The following LIN7A variants were observed in gnomAD, a reference collection of about 807,000 sequenced individuals.
The protein encoded by LIN7A is protein lin-7 homolog A.
Under a neutral mutation model 29.8 loss-of-function variants are expected in LIN7A, and 25 were observed. The observed-to-expected ratio is 0.84, with a 90% CI of 0.61 to 1.17. The LOEUF (loss-of-function observed/expected upper bound fraction) is 1.17, where lower values mean the gene tolerates loss of function less well. Among genes scored for constraint, LIN7A ranks in the 50% most tolerant of loss-of-function variants. The pLI, the probability that LIN7A is intolerant of heterozygous loss-of-function variation, is 0.00. For synonymous variants in LIN7A, 118 were observed against 107.5 expected (o/e 1.10, Z -0.60); for missense variants, 239 against 287.0 (o/e 0.83, Z 1.21).
chr12:80,816,801 C>T (rs1013587604), intron 4 of LIN7A, among the ~76,000 whole-genome samples: 2 of 151,822 alleles, frequency 1.3e-5, no homozygotes, highest in African/African-American at 4.8e-5. Flanking sequence ...TGAAGTCTTA[C>T]TCTGTCACCC....
At chr12:80,869,406 A>G (rs1874313207) in intron 2 of LIN7A, among the ~76,000 whole-genome samples, 1 of 152,054 alleles carries the variant, frequency 6.6e-6, no homozygotes, top group Non-Finnish European at 1.5e-5. Flanking sequence ...AACCAGCTCA[A>G]ACTGCCTGGT....
intron 5 of LIN7A, among the ~76,000 whole-genome samples, chr12:80,807,453 G>A (rs1871099918): frequency 6.6e-6 from 1 of 151,520 alleles, no homozygotes; most frequent in Admixed American, 6.5e-5. Flanking sequence ...TGGCCAAGTC[G>A]TATACTTTTA....
intron 4 of LIN7A, among the ~76,000 whole-genome samples, chr12:80,824,812 C>A (rs1871979729): frequency 6.6e-6 from 1 of 152,200 alleles, no homozygotes; most frequent in South Asian, 2.1e-4. Flanking sequence ...CAAAATCCAG[C>A]ATCCTTTATG....
intron 1 of LIN7A, among the ~76,000 whole-genome samples, chr12:80,907,430 T>A (rs1163687): frequency 0.68 from 103,483 of 152,114 alleles, 39,141 homozygotes; most frequent in Non-Finnish European, 0.87. Flanking sequence ...AAAATGCATT[T>A]TAACATTAAG....
intron 5 of LIN7A, among the ~76,000 whole-genome samples, chr12:80,808,009 TC>T (rs1382831870): frequency 6.6e-6 from 1 of 152,074 alleles, no homozygotes; most frequent in Non-Finnish European, 1.5e-5. Flanking sequence ...AAATCTAACT[TC>T]CCTCAGTGGC....
intron 1 of LIN7A, among the ~76,000 whole-genome samples, chr12:80,899,082 C>A (rs927500471): frequency 6.6e-6 from 1 of 152,112 alleles, no homozygotes; most frequent in Non-Finnish European, 1.5e-5. Context: ...ATGCTTCCAG[C>A]TTTTTCCCAT....
At chr12:80,862,888 G>T (rs1470356077) in intron 2 of LIN7A, among the ~76,000 whole-genome samples, 1 of 152,194 alleles carries the variant, frequency 6.6e-6, no homozygotes, top group Non-Finnish European at 1.5e-5. Context: ...CAGAATTAAA[G>T]ATTCCAGATT....
At chr12:80,934,533 G>T (rs906108400) in intron 1 of LIN7A, among the ~76,000 whole-genome samples, 1 of 152,180 alleles carries the variant, frequency 6.6e-6, no homozygotes, top group Admixed American at 6.5e-5. Context: ...AGACTTCTGA[G>T]TTTCTTACTT....
intron 3 of LIN7A, 91 bp downstream of exon 3, chr12:80,848,160 G>A: frequency 1.1e-6 from 1 of 908,218 alleles, no homozygotes; most frequent in South Asian, 1.4e-5. Context: ...CTCTTACAGT[G>A]TACACACGAG....
chr12:80,805,939 A>G (rs920095315), intron 5 of LIN7A, among the ~76,000 whole-genome samples: 2 of 151,464 alleles, frequency 1.3e-5, no homozygotes, highest in Non-Finnish European at 2.9e-5. Flanking sequence ...CAGTCTGGGC[A>G]TGGTGGCTCA....
intron 4 of LIN7A, among the ~76,000 whole-genome samples, chr12:80,818,742 ACT>A (rs1300090271): frequency 9.9e-5 from 15 of 151,978 alleles, no homozygotes; most frequent in Admixed American, 9.8e-4. Context: ...TAAATACAAA[ACT>A]CTGATCCAGC....
chr12:80,927,198 G>A (rs1441567343), intron 1 of LIN7A, among the ~76,000 whole-genome samples: 11 of 113,176 alleles, frequency 9.7e-5, no homozygotes, highest in Non-Finnish European at 1.3e-4. Context: ...GTCTCGCTCC[G>A]TCGCCCAGGC....
At chr12:80,894,940 C>A (rs926644592) in intron 1 of LIN7A, among the ~76,000 whole-genome samples, 4 of 152,276 alleles carry the variant, frequency 2.6e-5, no homozygotes, top group Admixed American at 2.0e-4. Context: ...ATACACCTAA[C>A]AAATGGAGAG....
At chr12:80,838,615 C>T (rs1872682259) in intron 4 of LIN7A, among the ~76,000 whole-genome samples, 1 of 152,206 alleles carries the variant, frequency 6.6e-6, no homozygotes, top group Non-Finnish European at 1.5e-5. Flanking sequence ...GCACTTAGAA[C>T]TGAAATTTCA....
intron 2 of LIN7A, among the ~76,000 whole-genome samples, chr12:80,886,878 A>C (rs1851097): frequency 6.6e-6 from 1 of 151,882 alleles, no homozygotes. Flanking sequence ...GCAAATTCTA[A>C]AATAAAAAAG....
chr12:80,937,878 C>G lies in LIN7A; in HGVS notation c.-156G>C. 2.0e-6 allele frequency: 1 copy of G among 504,256 alleles called. No homozygotes were observed. Among genetic ancestry groups the G allele is most frequent in the Non-Finnish European group, 3.4e-6 (1 of 291,586 alleles). The allele number at this position is 504,256 out of a possible 1,614,324, so 31.2% of individuals were successfully genotyped here. A position where few individuals can be genotyped will look rare whatever the true frequency, so the allele number is the denominator to read the frequency against. The stretch of plus-strand genomic sequence containing the variant: ...GTAGCCAGATGGAGACGCAACTGTT[C>G]CGCGGCGGCAGATCTTCAGTTGCGG... On this transcript the variant is annotated 5_prime_UTR_variant, in exon 1 of 6. Coordinates refer to ENST00000552864, the MANE Select transcript of LIN7A (RefSeq NM_004664.4).
chr12:80,892,819 G>C (rs1284805402), intron 1 of LIN7A, among the ~76,000 whole-genome samples: 1 of 152,178 alleles, frequency 6.6e-6, no homozygotes, highest in Admixed American at 6.5e-5. Context: ...GTGCAGCCAA[G>C]GTTGAGACCA....
intron 2 of LIN7A, among the ~76,000 whole-genome samples, chr12:80,871,660 A>C (rs1874433732): frequency 6.6e-6 from 1 of 152,024 alleles, no homozygotes; most frequent in African/African-American, 2.4e-5. Flanking sequence ...GCATTGAATA[A>C]ACAAAACAGC....
At chr12:80,820,532 T>C (rs1317310803) in intron 4 of LIN7A, among the ~76,000 whole-genome samples, 2 of 152,230 alleles carry the variant, frequency 1.3e-5, no homozygotes, top group East Asian at 3.9e-4. Flanking sequence ...ATGCAGCTAC[T>C]ACATCCTGGT....
Sources: allele counts gnomAD v4.1 joint callset (sites outside exome capture counted in the v4.1 genomes callset), GRCh38; gene constraint gnomAD v4.1.1; transcripts MANE v1.5; gene names NCBI Gene and HGNC (gene_info 2026-07-23, HGNC 2026-07-21).